Variants in CMTM3 observed in about 807,000 individuals in gnomAD.
CMTM3 encodes the protein CKLF like MARVEL transmembrane domain containing 3.
A neutral mutation model predicts 18.2 loss-of-function variants in CMTM3; 7 were observed. The observed-to-expected ratio is 0.38, with a 90% CI of 0.22 to 0.72. CMTM3 has a LOEUF of 0.72. CMTM3 is among the 30% of genes least tolerant of loss of function. The pLI, the probability that CMTM3 is intolerant of heterozygous loss-of-function variation, is 0.46. For synonymous variants in CMTM3, 109 were observed against 111.2 expected (o/e 0.98, Z 0.12); for missense variants, 227 against 249.2 (o/e 0.91, Z 0.60).
In CMTM3 at chr16:66,604,956, A is replaced by G; in HGVS notation, c.147+4A>G. The G allele has an allele frequency of 6.7e-7, 1 of 1,500,478 alleles. No homozygotes were observed. Among genetic ancestry groups the G allele is most frequent in the Non-Finnish European group, 8.8e-7 (1 of 1,135,288 alleles). The allele number at this position is 1,500,478 out of a possible 1,614,324, so 92.9% of individuals were successfully genotyped here. On this transcript the variant is annotated splice_donor_region_variant and intron_variant, in intron 1 of 4. Transcript: ENST00000567572. ...CCGCCTCCTGCTGGCCGAGTCGGTG[A>G]GTGCGGCGGGACCCTCGGCCGCCCC...
At position 66,605,348 on chromosome 16, in the gene CMTM3, GGGCCGGGGCCTC is replaced by G. The variant is rs1248253936; in HGVS notation, c.147+398_147+409del. Reference sequence around the variant, plus strand: ...CCGCTTTCCTGCGAGCGGGTAGTGCGGGCCGGGGCCTCGACCTGCGGGGCCGAGCCGGCGGGG... The same window carrying G: ...CCGCTTTCCTGCGAGCGGGTAGTGCGGACCTGCGGGGCCGAGCCGGCGGGG... On this transcript the variant is annotated intron_variant, in intron 1 of 4. Transcript: ENST00000567572. This position sits in a 1 kb window ranked among gnomAD's most constrained non-coding sequence, Gnocchi z 4.6. 2 of 161,564 alleles carry G rather than the reference GGGCCGGGGCCTC, an allele frequency of 1.2e-5. No individual in the cohort carries two copies. Among genetic ancestry groups the G allele is most frequent in the East Asian group, 3.5e-4 (2 of 5,638 alleles). 10.0% of individuals were successfully genotyped at this position (161,564 alleles called of 1,614,324 possible).
chr16:66,613,384 TGGGC>T lies in CMTM3; in HGVS notation c.*752_*755del, dbSNP rs2015457156. On this transcript the variant is annotated 3_prime_UTR_variant, in exon 5 of 5. Transcript: ENST00000567572. Reference sequence around the variant, plus strand: ...TCACAGTGACAGTGTCATGGGGAGCTGGGCGGGCCCAGCCAAACCCTCCTTCTTC... The same window carrying T: ...TCACAGTGACAGTGTCATGGGGAGCTGGGCCCAGCCAAACCCTCCTTCTTC... The T allele has an allele frequency of 2.3e-6, 1 of 442,214 alleles. No individual in the cohort carries two copies. Among genetic ancestry groups the T allele is most frequent in the Admixed American group, 3.5e-5 (1 of 28,194 alleles). The allele number at this position is 442,214 out of a possible 1,614,324, so 27.4% of individuals were successfully genotyped here. A position where few individuals can be genotyped will look rare whatever the true frequency, so the allele number is the denominator to read the frequency against.
At position 66,608,293 on chromosome 16, in the gene CMTM3, A is replaced by G; in HGVS notation, c.148-16A>G. 3 of 1,613,744 alleles carry G rather than the reference A, an allele frequency of 1.9e-6. No individual in the cohort carries two copies. Among genetic ancestry groups the G allele is most frequent in the South Asian group, 1.1e-5 (1 of 91,066 alleles). On this transcript the variant is annotated splice_polypyrimidine_tract_variant and intron_variant, in intron 1 of 4. Transcript: ENST00000567572. This position sits in a 1 kb window ranked among gnomAD's most constrained non-coding sequence, Gnocchi z 5.1. Reference sequence around the variant, plus strand: ...ATGAAAAGGCTCTGACTTCACCTCAAACTCCTTCCCCGCAGGGTCTCTCAT... The same window carrying G: ...ATGAAAAGGCTCTGACTTCACCTCAGACTCCTTCCCCGCAGGGTCTCTCAT...
In CMTM3 at chr16:66,610,809, G is replaced by T; in HGVS notation, c.520+806G>T. The T allele has an allele frequency of 2.5e-6, 1 of 398,662 alleles. No homozygotes were observed. The highest frequency in any genetic ancestry group is 1.3e-4 in the South Asian group (1 of 7,848). The allele number at this position is 398,662 out of a possible 1,614,324, so 24.7% of individuals were successfully genotyped here. ...TGTGGTTGGGATCTTCCCTAGGCAGGACCAGTAGGTTAGGCTTAAGAGCCA... is the reference window on the plus strand; with the variant it reads ...TGTGGTTGGGATCTTCCCTAGGCAGTACCAGTAGGTTAGGCTTAAGAGCCA... On this transcript the variant is annotated intron_variant, in intron 4 of 4. Transcript: ENST00000567572. This position sits in a 1 kb window ranked among gnomAD's most constrained non-coding sequence, Gnocchi z 4.6.
rs1364111227 is a variant in CMTM3 at position 66,608,967 on chromosome 16, A to C, written c.304-468A>C. Among the ~76,000 whole-genome samples the C allele has an allele frequency of 1.3e-5, 2 of 152,118 alleles. No individual in the cohort carries two copies. Among genetic ancestry groups the C allele is most frequent in the African/African-American group, 4.8e-5 (2 of 41,352 alleles). On this transcript the variant is annotated intron_variant, in intron 2 of 4. Transcript: ENST00000567572. This position sits in a 1 kb window ranked among gnomAD's most constrained non-coding sequence, Gnocchi z 5.1. The stretch of plus-strand genomic sequence containing the variant: ...TTGAACCCTTGTCTCTTGACTTCAT[A>C]TCCAGCATCTGCTGCCTCAGGAGGG...
Position 66,612,278 on chromosome 16 carries a change from C to A in CMTM3, c.521-331C>A, listed in dbSNP as rs529572029. Among the ~76,000 whole-genome samples the A allele has an allele frequency of 4.6e-5, 7 of 152,176 alleles. No individual in the cohort carries two copies. The highest frequency in any genetic ancestry group is 1.7e-4 in the African/African-American group (7 of 41,514). The stretch of plus-strand genomic sequence containing the variant: ...AAAATTAGCCAGGTGTGGTGGCACA[C>A]GCTTATAATCCCAGCTACTCGGGAG... On this transcript the variant is annotated intron_variant, in intron 4 of 4. Transcript: ENST00000567572. This position sits in a 1 kb window ranked among gnomAD's most constrained non-coding sequence, Gnocchi z 6.0.
intron 1 of CMTM3, among the ~76,000 whole-genome samples, chr16:66,606,344 T>C (rs953244890): frequency 6.6e-6 from 1 of 152,036 alleles, no homozygotes; most frequent in Non-Finnish European, 1.5e-5. Flanking sequence ...GGTGCAGGCA[T>C]AGGAGACAGG....
rs1001645509 is a variant in CMTM3, at chr16:66,605,879, G to A, written c.147+927G>A. Among the ~76,000 whole-genome samples, 5 of 152,060 alleles carry A rather than the reference G, an allele frequency of 3.3e-5. No individual in the cohort carries two copies. The highest frequency in any genetic ancestry group is 5.9e-5 in the Non-Finnish European group (4 of 68,010). ...AAGGTGGTCCTGCAGCCTCTCCCAC[G>A]GTCAGCCCAGAGGCCACCTGCCCAA... is the stretch of plus-strand genomic sequence containing the variant. On this transcript the variant is annotated intron_variant, in intron 1 of 4. Coordinates refer to ENST00000567572, the MANE Select transcript of CMTM3 (RefSeq NM_181553.4). The surrounding 1 kb of genome is among the most constrained non-coding windows in gnomAD (Gnocchi z 4.6).
At chr16:66,604,532 G>T, upstream of CMTM3, 1 of 279,802 alleles carries the variant, frequency 3.6e-6, no homozygotes, top group Non-Finnish European at 6.6e-6. Context: ...GTCTCCAGCG[G>T]CCCGAACCAG....
chr16:66,612,919 A>G lies in CMTM3; in HGVS notation c.*282A>G. The G allele has an allele frequency of 1.6e-6, 1 of 623,656 alleles. No homozygotes were observed. Among genetic ancestry groups the G allele is most frequent in the South Asian group, 1.8e-5 (1 of 55,030 alleles). The allele number at this position is 623,656 out of a possible 1,614,324, so 38.6% of individuals were successfully genotyped here. A position where few individuals can be genotyped will look rare whatever the true frequency, so the allele number is the denominator to read the frequency against. The stretch of plus-strand genomic sequence containing the variant: ...CCTTCAGCCCTTTAACGTCTCTGCC[A>G]AAAACCAGCACAAGGAGACAAAGCA... On this transcript the variant is annotated 3_prime_UTR_variant, in exon 5 of 5. Coordinates refer to ENST00000567572, the MANE Select transcript of CMTM3 (RefSeq NM_181553.4). The surrounding 1 kb of genome is among the most constrained non-coding windows in gnomAD (Gnocchi z 6.0).
In CMTM3 at chr16:66,605,063, C is replaced by T. The variant is rs1000200038; in HGVS notation, c.147+111C>T. ...GGGCGGCCGCCGTGCTCCGATACCC[C>T]CTCTCCGCGCCGCCTCGGCCGACTT... On this transcript the variant is annotated intron_variant, in intron 1 of 4. Coordinates refer to ENST00000567572, the MANE Select transcript of CMTM3 (RefSeq NM_181553.4). This position sits in a 1 kb window ranked among gnomAD's most constrained non-coding sequence, Gnocchi z 4.6. 2.0e-6 allele frequency: 2 copies of T among 977,158 alleles called. No homozygotes were observed. Among genetic ancestry groups the T allele is most frequent in the African/African-American group, 1.7e-5 (1 of 58,052 alleles). The allele number at this position is 977,158 out of a possible 1,614,324, so 60.5% of individuals were successfully genotyped here.
chr16:66,604,480 C>T (rs1320987770), upstream of CMTM3: 2 of 219,860 alleles, frequency 9.1e-6, no homozygotes, highest in Non-Finnish European at 1.8e-5. Context: ...TAGGGGCAGA[C>T]GGGTGGGAGC....
chr16:66,605,156 C>T lies in CMTM3; in HGVS notation c.147+204C>T. 2.2e-6 allele frequency: 1 copy of T among 462,722 alleles called. No homozygotes were observed. Among genetic ancestry groups the T allele is most frequent in the Non-Finnish European group, 3.7e-6 (1 of 271,566 alleles). The allele number at this position is 462,722 out of a possible 1,614,324, so 28.7% of individuals were successfully genotyped here. A position where few individuals can be genotyped will look rare whatever the true frequency, so the allele number is the denominator to read the frequency against. On this transcript the variant is annotated intron_variant, in intron 1 of 4. Transcript: ENST00000567572. This position sits in a 1 kb window ranked among gnomAD's most constrained non-coding sequence, Gnocchi z 4.6. ...TGGACGGCGGGGCGGGGCCCGAGCCCAGGCCATCCGCGGCGCTGTCCCCGC... is the reference window on the plus strand; with the variant it reads ...TGGACGGCGGGGCGGGGCCCGAGCCTAGGCCATCCGCGGCGCTGTCCCCGC...
rs1275627773 is a variant in CMTM3, at chr16:66,606,836, T to TA, written c.148-1466dup. 3.3e-5 allele frequency among the ~76,000 whole-genome samples: 5 copies of TA among 152,086 alleles called. No homozygotes were observed. The East Asian group carries it at 5.8e-4, about 18-fold the overall frequency. On this transcript the variant is annotated intron_variant, in intron 1 of 4. Transcript: ENST00000567572. ...GGTGAAACCCTGTCTCTACTAAAAA[T>TA]AAAAAAATTAGCTGGGTTTGGTGGC...
upstream of CMTM3, chr16:66,604,667 G>T: frequency 1.6e-6 from 1 of 607,612 alleles, no homozygotes. Flanking sequence ...GGGGCGGGGC[G>T]GGGCGTGGCG....
Position 66,609,449 on chromosome 16 carries a change from T to C in CMTM3, c.318T>C (p.Cys106=). 1.2e-6 allele frequency: 2 copies of C among 1,612,968 alleles called. No homozygotes were observed. Among genetic ancestry groups the C allele is most frequent in the Non-Finnish European group, 8.5e-7 (1 of 1,179,630 alleles). Residue 106 remains cysteine, a synonymous_variant, in exon 3 of 5, where the codon TGT becomes TGC. Coordinates refer to ENST00000567572, the MANE Select transcript of CMTM3 (RefSeq NM_181553.4). This position sits in a 1 kb window ranked among gnomAD's most constrained non-coding sequence, Gnocchi z 4.4. Reference sequence around the variant, plus strand: ...TCTCTCCCCAGGACTTCCTGCGCTGTGTCACCGCGGCCCTCATCTACTTTG... The same window carrying C: ...TCTCTCCCCAGGACTTCCTGCGCTGCGTCACCGCGGCCCTCATCTACTTTG... ...LCWPMMDFLR[C]VTAALIYFAI... is the part of the protein sequence containing the mutation.
rs1405446484 is a variant in CMTM3, at chr16:66,608,624, CCA to C, written c.303+162_303+163del. ...GACCCAGCTTCAGATCATCCCAGCTCCACTACTCAGCAGCCCTGTGACCTCAA... is the reference window on the plus strand; with the variant it reads ...GACCCAGCTTCAGATCATCCCAGCTCCTACTCAGCAGCCCTGTGACCTCAA... On this transcript the variant is annotated intron_variant, in intron 2 of 4. Transcript: ENST00000567572. This position sits in a 1 kb window ranked among gnomAD's most constrained non-coding sequence, Gnocchi z 5.1. Among the ~76,000 whole-genome samples the C allele has an allele frequency of 6.6e-6, 1 of 152,198 alleles. No individual in the cohort carries two copies. Among genetic ancestry groups the C allele is most frequent in the Admixed American group, 6.5e-5 (1 of 15,280 alleles).
rs2015405602 is a variant in CMTM3 at position 66,612,286 on chromosome 16, A to C, written c.521-323A>C. On this transcript the variant is annotated intron_variant, in intron 4 of 4. Coordinates refer to ENST00000567572, the MANE Select transcript of CMTM3 (RefSeq NM_181553.4). The surrounding 1 kb of genome is among the most constrained non-coding windows in gnomAD (Gnocchi z 6.0). ...CCAGGTGTGGTGGCACACGCTTATA[A>C]TCCCAGCTACTCGGGAGGGAGGAAG... Among the ~76,000 whole-genome samples, 1 of 152,090 alleles carries C rather than the reference A, an allele frequency of 6.6e-6. No homozygotes were observed. The highest frequency in any genetic ancestry group is 2.1e-4 in the South Asian group (1 of 4,826).
At chr16:66,604,126 TGC>T (rs112822114), upstream of CMTM3, 7 of 152,044 alleles carry the variant, frequency 4.6e-5, no homozygotes, top group South Asian at 4.1e-4. Flanking sequence ...TGTGTGTGTT[TGC>T]GCGCGCGCGC....
Sources: gnomAD v4.1 joint callset for allele counts (sites outside exome capture counted in the v4.1 genomes callset) on GRCh38, gnomAD v4.1.1 for gene constraint, Gnocchi (gnomAD v3.1) non-coding constraint, MANE v1.5 for transcripts, NCBI Gene and HGNC (gene_info 2026-07-23, HGNC 2026-07-21) for gene names.